FCF1: variants seen among roughly 807,000 people sequenced by gnomAD.
FCF1 encodes rRNA-processing protein FCF1 homolog.
Under a neutral mutation model 32.5 loss-of-function variants are expected in FCF1, and 17 were observed. The observed-to-expected ratio is 0.52, with a 90% CI of 0.36 to 0.78. FCF1 has a LOEUF of 0.78. FCF1 is among the 30% of genes least tolerant of loss of function. FCF1 has a pLI of 0.00. For missense variants in FCF1, 201 were observed against 241.1 expected (o/e 0.83, Z 1.10); for synonymous variants, 84 against 78.4 (o/e 1.07, Z -0.38).
At chr14:74,731,389 C>T (rs2090635313) in intron 5 of FCF1, among the ~76,000 whole-genome samples, 2 of 152,312 alleles carry the variant, frequency 1.3e-5, no homozygotes, top group Admixed American at 1.3e-4. Context: ...TAGTCCTAGA[C>T]TGTTGCCCAC....
chr14:74,722,086 T>A (rs2090512147), intron 4 of FCF1, among the ~76,000 whole-genome samples: 2 of 149,642 alleles, frequency 1.3e-5, no homozygotes, highest in African/African-American at 4.9e-5. Context: ...TTCACTCTTG[T>A]CACTCAGGCT....
rs1026353111 is a variant in FCF1, at chr14:74,737,368, C to CA, written c.*2444dup. ...AAACTCTGTCTCAAAAACAAACAAA[C>CA]AAAAAACCTATGTATTTGTGGGGAT... On this transcript the variant is annotated 3_prime_UTR_variant, in exon 8 of 8. Transcript: ENST00000341162. 15 of 151,986 alleles carry CA rather than the reference C, an allele frequency of 9.9e-5. No homozygotes were observed. Among genetic ancestry groups the CA allele is most frequent in the African/African-American group, 2.9e-4 (12 of 41,448 alleles). 9.4% of individuals were successfully genotyped at this position (151,986 alleles called of 1,614,324 possible). A position where few individuals can be genotyped will look rare whatever the true frequency, so the allele number is the denominator to read the frequency against.
At chr14:74,718,406 C>T (rs1008481120) in intron 4 of FCF1, among the ~76,000 whole-genome samples, 4 of 152,144 alleles carry the variant, frequency 2.6e-5, no homozygotes, top group African/African-American at 9.7e-5. Flanking sequence ...TTGCTCACTT[C>T]ACTGCTACAT....
At chr14:74,713,600 G>A (rs765439001) in intron 2 of FCF1, 48 bp downstream of exon 2, 1 of 1,488,120 alleles carries the variant, frequency 6.7e-7, no homozygotes, top group Admixed American at 1.8e-5. Context: ...TAAGAGTCTA[G>A]AGAGGATAAG....
In FCF1 at chr14:74,735,270, CTTGAGT is replaced by C. The variant is rs1396096678; in HGVS notation, c.*343_*348del. On this transcript the variant is annotated 3_prime_UTR_variant, in exon 8 of 8. Coordinates refer to ENST00000341162, the MANE Select transcript of FCF1 (RefSeq NM_015962.5). Reference sequence around the variant, plus strand: ...TTTCAAGGAAAATCATGTTTTACGACTTGAGTTTATCTGTCTAGTTACCTTGCAGCT... The same window carrying C: ...TTTCAAGGAAAATCATGTTTTACGACTTATCTGTCTAGTTACCTTGCAGCT... 1.5e-5 allele frequency: 3 copies of C among 199,658 alleles called. No individual in the cohort carries two copies. The highest frequency in any genetic ancestry group is 1.4e-4 in the East Asian group (1 of 7,296). 12.4% of individuals were successfully genotyped at this position (199,658 alleles called of 1,614,324 possible).
At chr14:74,723,188 T>A (rs754552645) in intron 4 of FCF1, 84 bp from the exon 5 acceptor site, 189 of 994,690 alleles carry the variant, frequency 1.9e-4, no homozygotes, top group Non-Finnish European at 2.8e-4. Flanking sequence ...GTCCTGGGTC[T>A]TTTTAAAACT....
chr14:74,713,625 GT>G (rs2090366747), intron 2 of FCF1, 73 bp downstream of exon 2: 2 of 1,376,958 alleles, frequency 1.5e-6, no homozygotes, highest in Non-Finnish European at 2.0e-6. Context: ...AAAAATGTTT[GT>G]TGTTATTATT....
At chr14:74,715,851 G>GTTTACAGC (rs1332959548) in intron 3 of FCF1, 100 bp from the exon 4 acceptor site, 7 of 1,609,804 alleles carry the variant, frequency 4.3e-6, no homozygotes, top group Non-Finnish European at 5.9e-6. Flanking sequence ...GGACAAAAGA[G>GTTTACAGC]TTTACAGCAA....
At chr14:74,717,026 AAATT>A (rs1339520980) in intron 4 of FCF1, among the ~76,000 whole-genome samples, 1 of 152,124 alleles carries the variant, frequency 6.6e-6, no homozygotes, top group African/African-American at 2.4e-5. Flanking sequence ...AGATGCCCAA[AAATT>A]AATTAAGAAT....
chr14:74,728,941 A>C (rs1029537084), intron 5 of FCF1, among the ~76,000 whole-genome samples: 2 of 152,156 alleles, frequency 1.3e-5, no homozygotes, highest in African/African-American at 4.8e-5. Flanking sequence ...CTTGCATCCC[A>C]GGGATGAAGC....
At chr14:74,727,610 A>C (rs1201704459) in intron 5 of FCF1, among the ~76,000 whole-genome samples, 2 of 151,464 alleles carry the variant, frequency 1.3e-5, no homozygotes, top group Non-Finnish European at 3.0e-5. Flanking sequence ...TCTTGAGTTT[A>C]ATTAGATCCC....
intron 5 of FCF1, among the ~76,000 whole-genome samples, chr14:74,731,919 T>C (rs2090643517): frequency 6.6e-6 from 1 of 152,164 alleles, no homozygotes; most frequent in Admixed American, 6.6e-5. Flanking sequence ...GTTTTTCTTT[T>C]TCAAATATGT....
chr14:74,732,594 C>G (rs1363317474), intron 5 of FCF1, 137 bp from the exon 6 acceptor site: 2 of 636,170 alleles, frequency 3.1e-6, no homozygotes, highest in Non-Finnish European at 5.5e-6. Context: ...CGTGAATTGT[C>G]TTTCCAGTTA....
intron 5 of FCF1, among the ~76,000 whole-genome samples, chr14:74,724,330 C>G (rs1430496149): frequency 2.0e-5 from 3 of 152,174 alleles, no homozygotes; most frequent in Non-Finnish European, 4.4e-5. Context: ...GTCACCCAGG[C>G]TGGAGTGCAG....
At chr14:74,720,632 A>G (rs1255781596) in intron 4 of FCF1, among the ~76,000 whole-genome samples, 1 of 151,950 alleles carries the variant, frequency 6.6e-6, no homozygotes, top group African/African-American at 2.4e-5. Context: ...TTTCCATGGC[A>G]TGTATATATA....
intron 5 of FCF1, among the ~76,000 whole-genome samples, chr14:74,728,191 G>A (rs1458397739): frequency 6.6e-6 from 1 of 152,210 alleles, no homozygotes; most frequent in East Asian, 1.9e-4. Context: ...AAATTACCTT[G>A]GGCAGTATGG....
At chr14:74,719,306 A>AG (rs1313474305) in intron 4 of FCF1, among the ~76,000 whole-genome samples, 7 of 148,226 alleles carry the variant, frequency 4.7e-5, no homozygotes, top group Non-Finnish European at 1.0e-4. Context: ...AAAAAAAAAA[A>AG]AAAGAAGAAG....
intron 4 of FCF1, among the ~76,000 whole-genome samples, chr14:74,720,141 G>A (rs567360327): frequency 6.6e-6 from 1 of 152,256 alleles, no homozygotes; most frequent in South Asian, 2.1e-4. Context: ...AATAAAAAAA[G>A]AAAATGGATC....
intron 5 of FCF1, among the ~76,000 whole-genome samples, chr14:74,725,351 G>A (rs1017082225): frequency 6.6e-5 from 10 of 151,292 alleles, no homozygotes; most frequent in Non-Finnish European, 8.8e-5. Context: ...ATGGTGGCGG[G>A]TGCCCATATT....
Sources: allele counts gnomAD v4.1 joint callset (sites outside exome capture counted in the v4.1 genomes callset), GRCh38; gene constraint gnomAD v4.1.1; transcripts MANE v1.5; gene names NCBI Gene and HGNC (gene_info 2026-07-23, HGNC 2026-07-21).